Variants in LITAF observed in about 807,000 individuals in gnomAD.
LITAF encodes the protein lipopolysaccharide-induced tumor necrosis factor-alpha factor.
Under a neutral mutation model 14.5 loss-of-function variants are expected in LITAF, and 9 were observed. That is an observed-to-expected ratio of 0.62 (90% confidence interval 0.37 to 1.08). LITAF has a LOEUF of 1.08. LITAF is among the 50% of genes least tolerant of loss of function. The probability of loss-of-function intolerance (pLI) is 0.01; values close to 1 mark genes in which losing one functional copy is unlikely to be tolerated. For synonymous variants in LITAF, 98 were observed against 88.2 expected (o/e 1.11, Z -0.62); for missense variants, 206 against 213.4 (o/e 0.97, Z 0.22).
chr16:11,602,926 C>T (rs1450305857), upstream of LITAF, among the ~76,000 whole-genome samples: 1 of 151,752 alleles, frequency 6.6e-6, no homozygotes, highest in Non-Finnish European at 1.5e-5. Context: ...GCCTGGGCAA[C>T]CCAGCGAGAC....
chr16:11,582,177 T>C (rs1463129601), intron 1 of LITAF, among the ~76,000 whole-genome samples: 1 of 152,088 alleles, frequency 6.6e-6, no homozygotes, highest in Non-Finnish European at 1.5e-5. Context: ...TGGAGACATA[T>C]AAGAAAATAT....
chr16:11,576,534 C>CAAA (rs66551972), intron 1 of LITAF, among the ~76,000 whole-genome samples: 7 of 62,958 alleles, frequency 1.1e-4, no homozygotes, highest in Admixed American at 3.4e-4. Context: ...TTACAATCTG[C>CAAA]AAAAAAAAAA....
chr16:11,566,950 T>G (rs536180232), intron 1 of LITAF, among the ~76,000 whole-genome samples: 1 of 152,296 alleles, frequency 6.6e-6, no homozygotes, highest in African/African-American at 2.4e-5. Flanking sequence ...CAGCTCAAGG[T>G]AACACGAGGA....
rs1555469756 is a variant in LITAF at position 11,576,554 on chromosome 16, A to AAAAAAAAAAAAGAC, written c.-6+10331_-6+10332insGTCTTTTTTTTTTT. On this transcript the variant is annotated intron_variant, in intron 1 of 3. Coordinates refer to ENST00000622633, the MANE Select transcript of LITAF (RefSeq NM_001136472.2). ...ATCTGCAAAAAAAAAAAAAAAAAAA[A>AAAAAAAAAAAAGAC]AGAGAGAGAGAAAGAGAAAAAGAGA... Among the ~76,000 whole-genome samples the AAAAAAAAAAAAGAC allele has an allele frequency of 3.5e-4, 41 of 116,608 alleles. 1 individual carries two copies. Among genetic ancestry groups the AAAAAAAAAAAAGAC allele is most frequent in the South Asian group, 1.1e-3 (4 of 3,652 alleles). The allele number at this position is 116,608 out of a possible 152,430, so 76.5% of individuals were successfully genotyped here.
intron 1 of LITAF, among the ~76,000 whole-genome samples, chr16:11,597,899 C>G (rs947594158): frequency 1.3e-5 from 2 of 152,014 alleles, no homozygotes; most frequent in East Asian, 1.9e-4. Flanking sequence ...ACCCAGCATG[C>G]TTTTTTGCTT....
chr16:11,599,211 TG>T (rs1465297415), upstream of LITAF, among the ~76,000 whole-genome samples: 1 of 150,266 alleles, frequency 6.7e-6, no homozygotes, highest in African/African-American at 2.5e-5. Context: ...CTCCGCCTCC[TG>T]GGTTCCAGCG....
intron 1 of LITAF, among the ~76,000 whole-genome samples, chr16:11,580,549 C>T (rs1567251287): frequency 6.6e-6 from 1 of 152,146 alleles, no homozygotes; most frequent in Non-Finnish European, 1.5e-5. Flanking sequence ...AGCCACCGTG[C>T]CTGGCTGGAA....
intron 3 of LITAF, among the ~76,000 whole-genome samples, chr16:11,552,884 C>T (rs1182590321): frequency 2.0e-5 from 3 of 151,876 alleles, no homozygotes; most frequent in Admixed American, 6.6e-5. Flanking sequence ...GAGGCTGAGG[C>T]GGGTGGACCA....
At chr16:11,579,787 T>C (rs902253261) in intron 1 of LITAF, among the ~76,000 whole-genome samples, 2 of 152,200 alleles carry the variant, frequency 1.3e-5, no homozygotes, top group African/African-American at 2.4e-5. Context: ...TAAAAGTTTA[T>C]TTAAATACTT....
chr16:11,581,195 T>C (rs566732808), intron 1 of LITAF, among the ~76,000 whole-genome samples: 218 of 152,374 alleles, frequency 1.4e-3, no homozygotes, highest in African/African-American at 5.0e-3. Flanking sequence ...CATCCGTTAA[T>C]CTATCATCAG....
At chr16:11,596,345 C>T (rs1291799676) in intron 1 of LITAF, among the ~76,000 whole-genome samples, 1 of 151,578 alleles carries the variant, frequency 6.6e-6, no homozygotes, top group East Asian at 2.0e-4. Context: ...TAATGACACA[C>T]AGGTGTCCTC....
At position 11,632,215 on chromosome 16, in the gene LITAF, GT is replaced by G. The variant is rs1241127087; in HGVS notation, c.85+1317del. On this transcript the variant is annotated intron_variant, in intron 3 of 3. Coordinates refer to the LITAF transcript ENST00000574848. The surrounding 1 kb of genome is among the most constrained non-coding windows in gnomAD (Gnocchi z 4.8). ...CAGGTCACCTTCACAAGTGCTGGGAGTTACGTCGTGGACGTGTCTTTCGGGG... is the reference window on the plus strand; with the variant it reads ...CAGGTCACCTTCACAAGTGCTGGGAGTACGTCGTGGACGTGTCTTTCGGGG... 1.3e-5 allele frequency among the ~76,000 whole-genome samples: 2 copies of G among 152,176 alleles called. No individual in the cohort carries two copies. The highest frequency in any genetic ancestry group is 2.4e-5 in the African/African-American group (1 of 41,464).
chr16:11,600,151 C>T (rs1485816407), upstream of LITAF, among the ~76,000 whole-genome samples: 3 of 152,160 alleles, frequency 2.0e-5, no homozygotes, highest in Non-Finnish European at 4.4e-5. This position sits in a 1 kb window ranked among gnomAD's most constrained non-coding sequence, Gnocchi z 4.1. Context: ...ACACCAGCCA[C>T]CATGCCCAGC....
Position 11,553,326 on chromosome 16 carries a change from G to A in LITAF, c.377+207C>T, listed in dbSNP as rs772584136. 15 of 575,972 alleles carry A rather than the reference G, an allele frequency of 2.6e-5. No homozygotes were observed. Among genetic ancestry groups the A allele is most frequent in the African/African-American group, 5.6e-5 (3 of 53,388 alleles). The allele number at this position is 575,972 out of a possible 1,614,324, so 35.7% of individuals were successfully genotyped here. ...CACGGGACGCTAAGGCAGGAGAATC[G>A]TTTGAACCTGAGCAGTGGGGGTTAC... On this transcript the variant is annotated intron_variant, in intron 3 of 3. Transcript: ENST00000622633. This position sits in a 1 kb window ranked among gnomAD's most constrained non-coding sequence, Gnocchi z 7.7.
chr16:11,576,447 C>G (rs938376643), intron 1 of LITAF, among the ~76,000 whole-genome samples: 4 of 146,836 alleles, frequency 2.7e-5, no homozygotes, highest in African/African-American at 5.1e-5. Context: ...CCAGCCTAGG[C>G]AACAGAGCAA....
chr16:11,593,547 ACTAT>A (rs2064862160), intron 1 of LITAF, among the ~76,000 whole-genome samples: 1 of 152,194 alleles, frequency 6.6e-6, no homozygotes. Flanking sequence ...TCATAGCAGC[ACTAT>A]TCCCAATAGT....
intron 3 of LITAF, among the ~76,000 whole-genome samples, chr16:11,616,098 G>A (rs1027103587): frequency 2.0e-5 from 3 of 152,182 alleles, no homozygotes; most frequent in South Asian, 2.1e-4. Context: ...CCAACTCCAC[G>A]GGGACAGTGG....
chr16:11,592,431 C>T (rs918706625), intron 1 of LITAF, among the ~76,000 whole-genome samples: 19 of 151,850 alleles, frequency 1.3e-4, no homozygotes, highest in Non-Finnish European at 2.8e-4. Flanking sequence ...CAAAAATTAG[C>T]CAGGCATGGT....
upstream of LITAF, among the ~76,000 whole-genome samples, chr16:11,602,172 C>T (rs1026680452): frequency 6.6e-6 from 1 of 152,076 alleles, no homozygotes; most frequent in African/African-American, 2.4e-5. Flanking sequence ...GACCAGCCAA[C>T]ATAGTGAAAC....
Sources: allele counts gnomAD v4.1 joint callset (sites outside exome capture counted in the v4.1 genomes callset), GRCh38; gene constraint gnomAD v4.1.1; non-coding constraint Gnocchi (gnomAD v3.1); transcripts MANE v1.5; gene names NCBI Gene and HGNC (gene_info 2026-07-23, HGNC 2026-07-21).